The following PRKCE variants were observed in gnomAD, a reference collection of about 807,000 sequenced individuals.
PRKCE encodes the protein protein kinase C epsilon.
PRKCE carries 16 observed loss-of-function variants against 85.4 expected under a neutral mutation model. The ratio of observed to expected loss-of-function variants is 0.19; its 90% CI spans 0.13 to 0.28. PRKCE has a LOEUF of 0.28. Ranked by LOEUF, PRKCE falls within the 10% of genes least tolerant of loss-of-function variation. The probability of loss-of-function intolerance (pLI) is 1.00; values close to 1 mark genes in which losing one functional copy is unlikely to be tolerated. For synonymous variants in PRKCE, 388 were observed against 371.5 expected (o/e 1.04, Z -0.51); for missense variants, 573 against 975.2 (o/e 0.59, Z 5.49).
chr2:46,179,199 A>T (rs978984169), intron 14 of PRKCE, among the ~76,000 whole-genome samples: 1 of 152,278 alleles, frequency 6.6e-6, no homozygotes, highest in Admixed American at 6.5e-5. Context: ...AAACAAAGTC[A>T]TCTGTTGATC....
chr2:45,713,121 T>G (rs536910388), intron 1 of PRKCE, among the ~76,000 whole-genome samples: 2 of 152,292 alleles, frequency 1.3e-5, no homozygotes, highest in South Asian at 4.1e-4. Context: ...CTCAGTTTCT[T>G]TCCCTGTAAA....
intron 1 of PRKCE, among the ~76,000 whole-genome samples, chr2:45,719,802 G>A (rs1215707939): frequency 1.3e-5 from 2 of 152,136 alleles, no homozygotes; most frequent in Admixed American, 6.5e-5. Flanking sequence ...GCTCTTGCCT[G>A]TAATCCTAGC....
chr2:45,973,190 C>T (rs1057337319), intron 2 of PRKCE, among the ~76,000 whole-genome samples: 3 of 152,288 alleles, frequency 2.0e-5, no homozygotes, highest in African/African-American at 7.2e-5. Flanking sequence ...CTCCAGGCCC[C>T]AGTAGGGAGG....
intron 2 of PRKCE, among the ~76,000 whole-genome samples, chr2:45,849,317 A>G (rs1351937488): frequency 6.6e-6 from 1 of 152,126 alleles, no homozygotes. Flanking sequence ...TGAGGCATTT[A>G]GAAGATCAAG....
chr2:46,119,530 C>G (rs749662211), intron 11 of PRKCE, among the ~76,000 whole-genome samples: 9 of 152,168 alleles, frequency 5.9e-5, no homozygotes, highest in Non-Finnish European at 1.0e-4. Context: ...CCGAATTCCC[C>G]TAATTTCTAA....
intron 1 of PRKCE, among the ~76,000 whole-genome samples, chr2:45,698,167 G>T (rs1439464820): frequency 1.3e-5 from 2 of 152,166 alleles, no homozygotes; most frequent in African/African-American, 4.8e-5. Flanking sequence ...CTCATTTTGT[G>T]GGCAAGTTCT....
chr2:46,168,158 G>C (rs1678533854), intron 14 of PRKCE, among the ~76,000 whole-genome samples: 1 of 152,140 alleles, frequency 6.6e-6, no homozygotes, highest in Non-Finnish European at 1.5e-5. Context: ...GTGAGGCCTG[G>C]GCTGGCCTGG....
intron 11 of PRKCE, among the ~76,000 whole-genome samples, chr2:46,105,355 A>G (rs1334963571): frequency 6.6e-6 from 1 of 152,100 alleles, no homozygotes; most frequent in Non-Finnish European, 1.5e-5. Flanking sequence ...CTGCCTTTCA[A>G]TACAAAATTA....
intron 1 of PRKCE, among the ~76,000 whole-genome samples, chr2:45,782,342 C>G (rs557104023): frequency 5.9e-5 from 9 of 152,268 alleles, no homozygotes; most frequent in Admixed American, 3.9e-4. Context: ...AAACCCCAGA[C>G]AGACTTGGGT....
chr2:45,692,601 C>G (rs1677819712), intron 1 of PRKCE, among the ~76,000 whole-genome samples: 3 of 152,088 alleles, frequency 2.0e-5, no homozygotes, highest in Admixed American at 2.0e-4. Context: ...ACCCATAAAA[C>G]CATTTGTCCT....
intron 2 of PRKCE, among the ~76,000 whole-genome samples, chr2:45,880,238 G>C (rs762473067): frequency 1.3e-4 from 20 of 152,166 alleles, no homozygotes; most frequent in Non-Finnish European, 1.3e-4. Context: ...TTATGTGTAT[G>C]CACCACATTT....
intron 2 of PRKCE, among the ~76,000 whole-genome samples, chr2:45,843,611 C>T (rs1345084161): frequency 1.3e-5 from 2 of 152,154 alleles, no homozygotes; most frequent in Non-Finnish European, 2.9e-5. Flanking sequence ...CCTCTTACAC[C>T]CTCTTCTTTC....
intron 10 of PRKCE, among the ~76,000 whole-genome samples, chr2:46,034,725 C>T (rs1489314815): frequency 6.6e-6 from 1 of 152,234 alleles, no homozygotes; most frequent in Admixed American, 6.5e-5. Context: ...GCTGCCCAAC[C>T]ACAGGGAGTC....
intron 12 of PRKCE, among the ~76,000 whole-genome samples, chr2:46,148,108 C>T (rs1348817531): frequency 6.6e-6 from 1 of 152,228 alleles, no homozygotes; most frequent in East Asian, 1.9e-4. Context: ...TATCTTCCTG[C>T]CACATGATAT....
chr2:45,876,693 T>A (rs1018142213), intron 2 of PRKCE, among the ~76,000 whole-genome samples: 3 of 152,248 alleles, frequency 2.0e-5, no homozygotes, highest in African/African-American at 7.2e-5. Context: ...CTCTCTCTTA[T>A]GCCTGGATAG....
intron 1 of PRKCE, among the ~76,000 whole-genome samples, chr2:45,816,618 T>C (rs1465937423): frequency 6.6e-6 from 1 of 152,226 alleles, no homozygotes; most frequent in East Asian, 1.9e-4. Flanking sequence ...CATATTTTTA[T>C]GATCATTATG....
chr2:46,025,609 C>A (rs1386014006), intron 10 of PRKCE, among the ~76,000 whole-genome samples: 1 of 152,158 alleles, frequency 6.6e-6, no homozygotes, highest in African/African-American at 2.4e-5. Flanking sequence ...CTCATGTGCT[C>A]CCTCTCTCTC....
At chr2:46,130,787 A>G (rs928944262) in intron 11 of PRKCE, among the ~76,000 whole-genome samples, 1 of 152,242 alleles carries the variant, frequency 6.6e-6, no homozygotes, top group Non-Finnish European at 1.5e-5. Flanking sequence ...TATGTCCTGT[A>G]CACAGGTAGA....
rs1241533227 is a variant in PRKCE, at chr2:46,107,692, C to G, written c.1592+21330C>G. On this transcript the variant is annotated intron_variant, in intron 11 of 14. Coordinates refer to ENST00000306156, the MANE Select transcript of PRKCE (RefSeq NM_005400.3). ...TTTCTATCAACAGTGAGTGAAAGTT[C>G]CTGTTGTTCCACATCCTCTCTAGTA... Among the ~76,000 whole-genome samples the G allele has an allele frequency of 3.9e-5, 6 of 152,174 alleles. No homozygotes were observed. The East Asian group carries it at 9.6e-4, about 24-fold the overall frequency.
Sources: gnomAD v4.1 joint callset for allele counts (sites outside exome capture counted in the v4.1 genomes callset) on GRCh38, gnomAD v4.1.1 for gene constraint, MANE v1.5 for transcripts, NCBI Gene and HGNC (gene_info 2026-07-23, HGNC 2026-07-21) for gene names.